The following AGPAT2 variants were observed in gnomAD, a reference collection of about 807,000 sequenced individuals.
AGPAT2 encodes the protein 1-acyl-sn-glycerol-3-phosphate acyltransferase beta.
A neutral mutation model predicts 26.1 loss-of-function variants in AGPAT2; 18 were observed. That is an observed-to-expected ratio of 0.69 (90% CI 0.48 to 1.02). AGPAT2 has a LOEUF of 1.02. Ranked by LOEUF, AGPAT2 falls within the 50% of genes least tolerant of loss-of-function variation. The pLI, the probability that AGPAT2 is intolerant of heterozygous loss-of-function variation, is 0.00. For missense variants in AGPAT2, 415 were observed against 394.9 expected (o/e 1.05, Z -0.43); for synonymous variants, 200 against 174.2 (o/e 1.15, Z -1.16).
intron 1 of AGPAT2, among the ~76,000 whole-genome samples, chr9:136,682,213 T>TCC (rs1846170445): frequency 2.6e-5 from 4 of 151,746 alleles, no homozygotes; most frequent in Admixed American, 1.3e-4. Flanking sequence ...TGAGGCTCCC[T>TCC]CCCTCCCCCG....
chr9:136,687,328 C>A lies in AGPAT2; in HGVS notation c.30G>T (p.Ala10=), dbSNP rs749524883. Residue 10 remains alanine (A), a synonymous_variant, in exon 1 of 6, where the codon GCG becomes GCT. Coordinates refer to ENST00000371696, the MANE Select transcript of AGPAT2 (RefSeq NM_006412.4). MELWPCLAA[A]LLLLLLLVQL... ...GCACCAGCAGCAGCAGCAACAGCAG[C>A]GCCGCGGCCAGACACGGCCACAGCT... The A allele has an allele frequency of 3.2e-6, 5 of 1,562,804 alleles. No individual in the cohort carries two copies. The highest frequency in any genetic ancestry group is 4.3e-6 in the Non-Finnish European group (5 of 1,161,666).
At chr9:136,676,924 C>A in intron 3 of AGPAT2, 37 bp downstream of exon 3, 3 of 1,588,026 alleles carry the variant, frequency 1.9e-6, no homozygotes, top group East Asian at 2.2e-5. Context: ...GCCCAGGCCC[C>A]ACCCCAACCC....
intron 1 of AGPAT2, among the ~76,000 whole-genome samples, chr9:136,679,586 C>T (rs1239838551): frequency 1.3e-5 from 2 of 152,192 alleles, no homozygotes; most frequent in Non-Finnish European, 2.9e-5. Flanking sequence ...AATCCAGCTT[C>T]CCGGACCCCT....
At chr9:136,679,456 A>G (rs1057384985) in intron 1 of AGPAT2, among the ~76,000 whole-genome samples, 1 of 151,918 alleles carries the variant, frequency 6.6e-6, no homozygotes, top group Non-Finnish European at 1.5e-5. Flanking sequence ...AACTCTAGAT[A>G]TCTCCTCTCC....
chr9:136,676,938 C>T (rs753411191), intron 3 of AGPAT2, 23 bp downstream of exon 3: 10 of 1,610,248 alleles, frequency 6.2e-6, no homozygotes, highest in African/African-American at 2.7e-5. Context: ...CCAACCCCAC[C>T]GAGCCCGGCC....
At chr9:136,676,909 G>GCCCCCC in intron 3 of AGPAT2, 52 bp downstream of exon 3, 7 of 1,460,842 alleles carry the variant, frequency 4.8e-6, no homozygotes, top group African/African-American at 1.4e-5. Flanking sequence ...CCCCTGCCTG[G>GCCCCCC]CCCCGCCCAG....
intron 3 of AGPAT2, 103 bp downstream of exon 3, chr9:136,676,858 G>T: frequency 7.1e-7 from 1 of 1,409,166 alleles, no homozygotes; most frequent in Non-Finnish European, 9.8e-7. Flanking sequence ...TGGATGATGT[G>T]GGGGTCTTGT....
At position 136,677,519 on chromosome 9, in the gene AGPAT2, A is replaced by T; in HGVS notation, c.220T>A (p.Tyr74Asn). The T allele has an allele frequency of 6.2e-7, 1 of 1,612,974 alleles. No homozygotes were observed. The highest frequency in any genetic ancestry group is 8.5e-7 in the Non-Finnish European group (1 of 1,179,950). ...TCCCGCACCTCGAAGCGGAGCCCGT[A>T]AAAGTACTTGAAGCTTCGCACGAAC... ...GWFVRSFKYFYGLRFEVRDPR... is the reference protein window; with the variant it reads ...GWFVRSFKYFNGLRFEVRDPR... Residue 74 changes from tyrosine to asparagine, a missense_variant, in exon 2 of 6, where the codon TAC becomes AAC. Physicochemically the swap from Tyr to Asn is moderately radical, Grantham distance 143 (BLOSUM62 -2). Transcript: ENST00000371696.
chr9:136,687,188 A>T lies in AGPAT2; in HGVS notation c.170T>A (p.Val57Glu), dbSNP rs1239418038. The T allele has an allele frequency of 6.3e-7, 1 of 1,588,156 alleles. No individual in the cohort carries two copies. The highest frequency in any genetic ancestry group is 1.7e-5 in the Admixed American group (1 of 58,588). The change falls in exon 1 of 6, where the codon GTG becomes GAG. Residue 57 changes from valine to glutamate, a missense_variant. Transcript: ENST00000371696. ...VCLLRHGGRT[V>E]ENMSIIGWFV... ...CCCCCGGCCTTGCCTCATGTTCTCC[A>T]CCGTCCGGCCGCCGTGGCGCAGCAG...
chr9:136,674,893 C>T, intron 4 of AGPAT2, 86 bp from the exon 5 acceptor site: 1 of 975,454 alleles, frequency 1.0e-6, no homozygotes, highest in Non-Finnish European at 1.4e-6. Flanking sequence ...GAGCCCTGTC[C>T]TGCGGCCCAC....
chr9:136,686,516 C>T (rs1443302452), intron 1 of AGPAT2, among the ~76,000 whole-genome samples: 5 of 152,250 alleles, frequency 3.3e-5, no homozygotes, highest in Non-Finnish European at 7.3e-5. Context: ...AAATTTCAGC[C>T]CCGCCGAACC....
chr9:136,675,118 CT>C (rs1207230994), intron 4 of AGPAT2, among the ~76,000 whole-genome samples: 5 of 152,160 alleles, frequency 3.3e-5, no homozygotes, highest in Admixed American at 6.5e-5. Flanking sequence ...GGGCAGGGCC[CT>C]GTCCGGTTTA....
chr9:136,674,583 G>A (rs1846064434), intron 5 of AGPAT2, 152 bp downstream of exon 5: 3 of 485,900 alleles, frequency 6.2e-6, no homozygotes, highest in Non-Finnish European at 1.0e-5. Flanking sequence ...GCCCACAGCT[G>A]GGACTCCAGC....
At chr9:136,675,038 G>A (rs1317801981) in intron 4 of AGPAT2, among the ~76,000 whole-genome samples, 1 of 152,184 alleles carries the variant, frequency 6.6e-6, no homozygotes, top group Admixed American at 6.5e-5. Flanking sequence ...CCTCTAGGAA[G>A]CCCTCCTGAG....
chr9:136,677,143 G>A lies in AGPAT2; in HGVS notation c.317-7C>T, dbSNP rs74584184. 3.0e-3 allele frequency: 4,882 copies of A among 1,612,570 alleles called. 148 individuals carry two copies. In the African/African-American group the frequency reaches 0.058, roughly 19 times the overall value. ...GGAAGGACCTCCATGAGGCCTGGGA[G>A]ACAGAGAGACAGAGACAGAGAGAGA... On this transcript the variant is annotated splice_polypyrimidine_tract_variant and splice_region_variant and intron_variant, in intron 2 of 5. Coordinates refer to ENST00000371696, the MANE Select transcript of AGPAT2 (RefSeq NM_006412.4).
chr9:136,673,645 G>T lies in AGPAT2; in HGVS notation c.*107C>A. On this transcript the variant is annotated 3_prime_UTR_variant, in exon 6 of 6. Transcript: ENST00000371696. ...TTCCCGGGCTGAGTGAGAGCTGGGG[G>T]AGCCGGACAGAGTGGTATTTGGAAG... 1 of 1,248,236 alleles carries T rather than the reference G, an allele frequency of 8.0e-7. No individual in the cohort carries two copies. Among genetic ancestry groups the T allele is most frequent in the East Asian group, 2.8e-5 (1 of 35,734 alleles). 77.3% of individuals were successfully genotyped at this position (1,248,236 alleles called of 1,614,324 possible). A position where few individuals can be genotyped will look rare whatever the true frequency, so the allele number is the denominator to read the frequency against.
Position 136,674,723 on chromosome 9 carries a change from A to T in AGPAT2, c.661+12T>A. On this transcript the variant is annotated intron_variant, in intron 5 of 5. Transcript: ENST00000371696. ...CGGGGCCTACACCCCGGGTGCACAC[A>T]TGTGGGGGTACCTGAAGTGAAGAAC... The T allele has an allele frequency of 6.8e-7, 1 of 1,476,426 alleles. No homozygotes were observed. The highest frequency in any genetic ancestry group is 1.4e-5 in the South Asian group (1 of 70,392). The allele number at this position is 1,476,426 out of a possible 1,614,324, so 91.5% of individuals were successfully genotyped here.
chr9:136,684,315 C>T (rs562792618), intron 1 of AGPAT2, among the ~76,000 whole-genome samples: 1 of 152,322 alleles, frequency 6.6e-6, no homozygotes, highest in African/African-American at 2.4e-5. Context: ...TTTCCTCTGT[C>T]GAATGGATGT....
At chr9:136,674,118 T>C (rs1248740810) in intron 5 of AGPAT2, among the ~76,000 whole-genome samples, 191 bp from the exon 6 acceptor site, 1 of 152,226 alleles carries the variant, frequency 6.6e-6, no homozygotes, top group Non-Finnish European at 1.5e-5. Context: ...GTAAACCCCA[T>C]GGCTGCCTGG....
Sources: gnomAD v4.1 joint callset for allele counts (sites outside exome capture counted in the v4.1 genomes callset) on GRCh38, gnomAD v4.1.1 for gene constraint, MANE v1.5 for transcripts, NCBI Gene and HGNC (gene_info 2026-07-23, HGNC 2026-07-21) for gene names.